The following ASTN1 variants were observed in gnomAD, a reference collection of about 807,000 sequenced individuals.
ASTN1 encodes the protein astrotactin 1.
ASTN1 carries 41 observed loss-of-function variants against 140.7 expected under a neutral mutation model. That is an observed-to-expected ratio of 0.29 (90% CI 0.23 to 0.38). The LOEUF is 0.38. ASTN1 is among the 10% of genes least tolerant of loss of function. The probability of loss-of-function intolerance (pLI) is 1.00; values close to 1 mark genes in which losing one functional copy is unlikely to be tolerated. For synonymous variants in ASTN1, 640 were observed against 652.2 expected (o/e 0.98, Z 0.29); for missense variants, 1,479 against 1,678.8 (o/e 0.88, Z 2.08).
At chr1:177,113,673 G>A (rs1402083622) in intron 1 of ASTN1, among the ~76,000 whole-genome samples, 1 of 152,166 alleles carries the variant, frequency 6.6e-6, no homozygotes, top group Non-Finnish European at 1.5e-5. Context: ...CAGAAGCTGG[G>A]CTGTGCCCAG....
intron 16 of ASTN1, among the ~76,000 whole-genome samples, chr1:176,922,891 A>G (rs1670796777): frequency 6.6e-6 from 1 of 152,168 alleles, no homozygotes; most frequent in Non-Finnish European, 1.5e-5. Context: ...AAATAATGCT[A>G]ATAATAATAG....
At chr1:177,006,179 G>T (rs952994281) in intron 8 of ASTN1, among the ~76,000 whole-genome samples, 1 of 152,082 alleles carries the variant, frequency 6.6e-6, no homozygotes, top group African/African-American at 2.4e-5. Flanking sequence ...CAAGGAAAAA[G>T]TTTTGAGAAA....
chr1:177,064,730 G>A (rs551145365), intron 1 of ASTN1, among the ~76,000 whole-genome samples: 7 of 152,354 alleles, frequency 4.6e-5, no homozygotes, highest in African/African-American at 1.7e-4. Flanking sequence ...TACCAAGGGT[G>A]CCCATCATTT....
chr1:176,913,622 G>A (rs1051810208), intron 16 of ASTN1, among the ~76,000 whole-genome samples: 2 of 152,212 alleles, frequency 1.3e-5, no homozygotes, highest in African/African-American at 4.8e-5. Flanking sequence ...TATTCTAAGC[G>A]ATTATTGCTG....
At chr1:177,063,551 T>C (rs890362790) in intron 1 of ASTN1, among the ~76,000 whole-genome samples, 1 of 152,148 alleles carries the variant, frequency 6.6e-6, no homozygotes, top group African/African-American at 2.4e-5. Flanking sequence ...CAGATTTCCA[T>C]GTGGGGAGAA....
chr1:176,963,828 T>A (rs1293043419), intron 9 of ASTN1, among the ~76,000 whole-genome samples: 2 of 152,218 alleles, frequency 1.3e-5, no homozygotes, highest in Non-Finnish European at 2.9e-5. Flanking sequence ...GTCAGCCGAA[T>A]GATAAATCCT....
At chr1:177,003,581 C>A (rs1310614857) in intron 8 of ASTN1, among the ~76,000 whole-genome samples, 1 of 152,096 alleles carries the variant, frequency 6.6e-6, no homozygotes, top group African/African-American at 2.4e-5. Context: ...AAGGCCAAGG[C>A]AGGAGGATTA....
At chr1:176,913,631 TG>T (rs1322070072) in intron 16 of ASTN1, among the ~76,000 whole-genome samples, 2 of 152,252 alleles carry the variant, frequency 1.3e-5, no homozygotes, top group Non-Finnish European at 2.9e-5. Flanking sequence ...CGATTATTGC[TG>T]GGGCAGGGTA....
At chr1:176,871,481 T>C (rs1571435836) in intron 21 of ASTN1, among the ~76,000 whole-genome samples, 1 of 152,054 alleles carries the variant, frequency 6.6e-6, no homozygotes, top group African/African-American at 2.4e-5. Context: ...GCTGAGGAGG[T>C]GCCTATCATT....
intron 1 of ASTN1, among the ~76,000 whole-genome samples, chr1:177,149,063 T>C (rs1163020265): frequency 7.1e-6 from 1 of 141,068 alleles, no homozygotes; most frequent in African/African-American, 2.6e-5. Flanking sequence ...AGCAAATATA[T>C]ATAGTAACTA....
intron 2 of ASTN1, among the ~76,000 whole-genome samples, chr1:177,043,453 G>A (rs528866024): frequency 1.5e-4 from 23 of 152,272 alleles, no homozygotes; most frequent in African/African-American, 4.6e-4. Context: ...AGATGACAAC[G>A]GCCATTCCCA....
chr1:177,024,673 A>AGCTGGTGAT lies in ASTN1; in HGVS notation c.1171_1179dup (p.Ile391_Ser393dup), dbSNP rs761292080. On this transcript the variant is annotated inframe_insertion, in exon 6 of 23. Transcript: ENST00000361833. ...GAGGAGCACACGAGGCCAATCACAC[A>AGCTGGTGAT]GCTGGTGATGCTGATCAGGGTCAAG... The AGCTGGTGAT allele has an allele frequency of 6.2e-7, 1 of 1,614,080 alleles. No individual in the cohort carries two copies. The highest frequency in any genetic ancestry group is 1.1e-5 in the South Asian group (1 of 91,072).
At chr1:176,937,095 A>G (rs1322016337) in intron 14 of ASTN1, among the ~76,000 whole-genome samples, 4 of 152,232 alleles carry the variant, frequency 2.6e-5, no homozygotes, top group African/African-American at 7.2e-5. Context: ...TAATATCCCC[A>G]TAGCAAATTT....
At chr1:176,934,385 T>C in intron 15 of ASTN1, 45 bp from the exon 16 acceptor site, 4 of 1,537,656 alleles carry the variant, frequency 2.6e-6, no homozygotes, top group Non-Finnish European at 3.5e-6. Context: ...GGCTCAGATT[T>C]TGGGTATACG....
At chr1:177,044,982 G>T (rs1429252396) in intron 2 of ASTN1, among the ~76,000 whole-genome samples, 1 of 152,120 alleles carries the variant, frequency 6.6e-6, no homozygotes. Context: ...GGGAGAAAGA[G>T]CAGGCATGGG....
intron 16 of ASTN1, among the ~76,000 whole-genome samples, chr1:176,898,239 T>C (rs1369077041): frequency 6.6e-6 from 1 of 152,126 alleles, no homozygotes; most frequent in Non-Finnish European, 1.5e-5. Context: ...CTTGTTTTAA[T>C]TCAGAATCAT....
chr1:176,936,019 C>T, intron 15 of ASTN1: 1 of 555,508 alleles, frequency 1.8e-6, no homozygotes, highest in Non-Finnish European at 3.3e-6. Flanking sequence ...CCTTCAATGG[C>T]TCCAGTCTTG....
chr1:177,103,482 G>C (rs1020089481), intron 1 of ASTN1, among the ~76,000 whole-genome samples: 1 of 152,140 alleles, frequency 6.6e-6, no homozygotes, highest in Non-Finnish European at 1.5e-5. Context: ...GGTAAGGGGA[G>C]AGCACCCATG....
intron 16 of ASTN1, among the ~76,000 whole-genome samples, chr1:176,906,257 T>C (rs1196328141): frequency 6.6e-6 from 1 of 152,116 alleles, no homozygotes; most frequent in Non-Finnish European, 1.5e-5. Flanking sequence ...CTTTAAATAT[T>C]TGAAGGGTTG....
Sources: gnomAD v4.1 joint callset for allele counts (sites outside exome capture counted in the v4.1 genomes callset) on GRCh38, gnomAD v4.1.1 for gene constraint, MANE v1.5 for transcripts, NCBI Gene and HGNC (gene_info 2026-07-23, HGNC 2026-07-21) for gene names.